The following NAPA variants were observed in gnomAD, a reference collection of about 807,000 sequenced individuals.
NAPA encodes the protein alpha-soluble NSF attachment protein.
A neutral mutation model predicts 48.0 loss-of-function variants in NAPA; 18 were observed. The ratio of observed to expected loss-of-function variants is 0.38; its 90% CI spans 0.26 to 0.56. NAPA has a LOEUF of 0.56. Ranked by LOEUF, NAPA falls within the 20% of genes least tolerant of loss-of-function variation. The probability of loss-of-function intolerance (pLI) is 0.77; values close to 1 mark genes in which losing one functional copy is unlikely to be tolerated. For synonymous variants in NAPA, 152 were observed against 149.9 expected, an observed-to-expected ratio of 1.01 and a Z score of -0.10; for missense variants, 315 against 385.0, an observed-to-expected ratio of 0.82 and a Z score of 1.52.
chr19:47,512,108 G>A (rs1247524489), intron 1 of NAPA, among the ~76,000 whole-genome samples: 2 of 152,120 alleles, frequency 1.3e-5, no homozygotes, highest in Non-Finnish European at 2.9e-5. Context: ...TCCTTGCCTG[G>A]AGTGCTGCTC....
chr19:47,487,090 T>C (rs544005996), downstream of NAPA, among the ~76,000 whole-genome samples: 1 of 152,250 alleles, frequency 6.6e-6, no homozygotes, highest in Non-Finnish European at 1.5e-5. Flanking sequence ...TGGAGGCAGC[T>C]GGTTTCTGCC....
At chr19:47,485,069 T>C (rs556541940), downstream of NAPA, among the ~76,000 whole-genome samples, 1 of 152,250 alleles carries the variant, frequency 6.6e-6, no homozygotes, top group Non-Finnish European at 1.5e-5. Flanking sequence ...CAAGGAAAAA[T>C]GATCCAGCTA....
chr19:47,487,618 G>A (rs948508396), downstream of NAPA: 2 of 152,396 alleles, frequency 1.3e-5, no homozygotes, highest in African/African-American at 2.4e-5. Flanking sequence ...GGGTAGCAGA[G>A]GTGAGGAGGA....
At position 47,488,163 on chromosome 19, in the gene NAPA, C is replaced by T. The variant is rs1968126146; in HGVS notation, c.*125G>A. 6 of 863,456 alleles carry T rather than the reference C, an allele frequency of 6.9e-6. No homozygotes were observed. Among genetic ancestry groups the T allele is most frequent in the Admixed American group, 2.3e-5 (1 of 44,416 alleles). 53.5% of individuals were successfully genotyped at this position (863,456 alleles called of 1,614,324 possible). A position where few individuals can be genotyped will look rare whatever the true frequency, so the allele number is the denominator to read the frequency against. The stretch of plus-strand genomic sequence containing the variant: ...CCCTGCATGCTGACCCCCGGTGCCA[C>T]CTGCCCACTGTGGCCCGCGGCACTC... On this transcript the variant is annotated 3_prime_UTR_variant, in exon 11 of 11. Transcript: ENST00000263354.
chr19:47,491,964 T>C lies in NAPA; in HGVS notation c.666+51A>G, dbSNP rs1189914669. 2.0e-6 allele frequency: 3 copies of C among 1,535,018 alleles called. No homozygotes were observed. The African/African-American group carries it at 4.1e-5, about 21-fold the overall frequency. On this transcript the variant is annotated intron_variant, in intron 8 of 10. Transcript: ENST00000263354. ...GGGGCAACGGGACCTGGCCTGGAGATAAGCACATGGTGGCCTGGTGCGGTG... is the reference window on the plus strand; with the variant it reads ...GGGGCAACGGGACCTGGCCTGGAGACAAGCACATGGTGGCCTGGTGCGGTG...
At chr19:47,484,706 ATTTTT>A (rs35425298), downstream of NAPA, among the ~76,000 whole-genome samples, 1 of 129,168 alleles carries the variant, frequency 7.7e-6, no homozygotes, top group Non-Finnish European at 1.6e-5. Context: ...ACAGTTCACT[ATTTTT>A]TTTTTTTTTT....
intron 8 of NAPA, 56 bp from the exon 9 acceptor site, chr19:47,490,912 C>T: frequency 6.6e-7 from 1 of 1,515,308 alleles, no homozygotes; most frequent in Non-Finnish European, 9.1e-7. Flanking sequence ...CTCAGAGCTA[C>T]TGGCCTAGCA....
chr19:47,500,566 G>T, intron 3 of NAPA, 67 bp downstream of exon 3: 2 of 1,302,268 alleles, frequency 1.5e-6, no homozygotes, highest in East Asian at 2.7e-5. Flanking sequence ...GAAACCTGAG[G>T]AATCAATGCA....
chr19:47,492,653 C>A (rs1968304371), intron 7 of NAPA: 1 of 507,490 alleles, frequency 2.0e-6, no homozygotes, highest in Non-Finnish European at 3.7e-6. Context: ...CTTGGCACTT[C>A]TTCCCATTCC....
chr19:47,505,320 C>T (rs1968672032), intron 1 of NAPA: 1 of 152,236 alleles, frequency 6.6e-6, no homozygotes, highest in South Asian at 2.1e-4. Flanking sequence ...CCTGTGTCAA[C>T]TGGCCCAACA....
chr19:47,485,557 G>A (rs1968048054), downstream of NAPA, among the ~76,000 whole-genome samples: 1 of 152,214 alleles, frequency 6.6e-6, no homozygotes, highest in Non-Finnish European at 1.5e-5. Context: ...CTCCATGAAG[G>A]CAGCAGGCTG....
At chr19:47,495,465 G>C (rs1968396069) in intron 4 of NAPA, 85 bp downstream of exon 4, 1 of 1,418,434 alleles carries the variant, frequency 7.1e-7, no homozygotes, top group Non-Finnish European at 9.9e-7. Flanking sequence ...AATAAGAACA[G>C]TGCTGGGGGT....
chr19:47,494,466 G>C (rs1968363201), intron 4 of NAPA, among the ~76,000 whole-genome samples: 1 of 152,100 alleles, frequency 6.6e-6, no homozygotes, highest in South Asian at 2.1e-4. Context: ...GGCCAGGCAC[G>C]GTGGCTCATG....
chr19:47,508,243 C>A (rs1250810823), intron 1 of NAPA, among the ~76,000 whole-genome samples: 1 of 152,216 alleles, frequency 6.6e-6, no homozygotes, highest in East Asian at 1.9e-4. Context: ...CACCCTGGCA[C>A]AGGGAGCCGG....
At chr19:47,492,921 A>T in intron 7 of NAPA, 40 bp downstream of exon 7, 9 of 1,595,118 alleles carry the variant, frequency 5.6e-6, no homozygotes, top group Non-Finnish European at 7.7e-6. Flanking sequence ...AGGCCCTGAG[A>T]GGGGGCAGGG....
chr19:47,485,184 T>C (rs1282178152), downstream of NAPA, among the ~76,000 whole-genome samples: 1 of 152,208 alleles, frequency 6.6e-6, no homozygotes, highest in Non-Finnish European at 1.5e-5. Context: ...TTACCCTCCC[T>C]GCCGGTTCAC....
Position 47,503,514 on chromosome 19 carries a change from G to C in NAPA, c.99-12C>G. The C allele has an allele frequency of 6.2e-7, 1 of 1,612,768 alleles. No homozygotes were observed. Among genetic ancestry groups the C allele is most frequent in the Non-Finnish European group, 8.5e-7 (1 of 1,178,974 alleles). On this transcript the variant is annotated splice_polypyrimidine_tract_variant and intron_variant, in intron 1 of 10. Coordinates refer to ENST00000263354, the MANE Select transcript of NAPA (RefSeq NM_003827.4). The stretch of plus-strand genomic sequence containing the variant: ...TTTTGGATGAGCCTCTGGGGAAAAA[G>C]GAAAGAAAAAAAGGAGACAATCTAG...
At chr19:47,507,275 C>T (rs981657271) in intron 1 of NAPA, among the ~76,000 whole-genome samples, 3 of 152,140 alleles carry the variant, frequency 2.0e-5, no homozygotes, top group African/African-American at 7.2e-5. Flanking sequence ...CTCAGGTCTC[C>T]CAAACACAGC....
Position 47,515,023 on chromosome 19 carries a change from G to A in NAPA, c.-83C>T, listed in dbSNP as rs1199663396. On this transcript the variant is annotated 5_prime_UTR_variant, in exon 1 of 11. Coordinates refer to ENST00000263354, the MANE Select transcript of NAPA (RefSeq NM_003827.4). ...GCGGCCGGGCCGCGGAACACAGATC[G>A]GTAAAACTCGCCCGGCTGCGTTGAC... 8.7e-6 allele frequency: 12 copies of A among 1,378,034 alleles called. No individual in the cohort carries two copies. The highest frequency in any genetic ancestry group is 7.3e-5 in the African/African-American group (5 of 68,738). 85.4% of individuals were successfully genotyped at this position (1,378,034 alleles called of 1,614,324 possible). A position where few individuals can be genotyped will look rare whatever the true frequency, so the allele number is the denominator to read the frequency against.
Sources: allele counts gnomAD v4.1 joint callset (sites outside exome capture counted in the v4.1 genomes callset), GRCh38; gene constraint gnomAD v4.1.1; transcripts MANE v1.5; gene names NCBI Gene and HGNC (gene_info 2026-07-23, HGNC 2026-07-21).